Variants in ZNF407 observed in about 807,000 individuals in gnomAD.
The protein encoded by ZNF407 is zinc finger protein 407.
A neutral mutation model predicts 131.2 loss-of-function variants in ZNF407; 17 were observed. The ratio of observed to expected loss-of-function variants is 0.13; its 90% CI spans 0.09 to 0.19. The LOEUF is 0.19. Among genes scored for constraint, ZNF407 ranks in the 10% least tolerant of loss-of-function variants. ZNF407 has a pLI of 1.00. For synonymous variants in ZNF407, 1,156 were observed against 1,062.0 expected, an observed-to-expected ratio of 1.09 and a Z score of -1.72; for missense variants, 2,681 against 2,830.6, an observed-to-expected ratio of 0.95 and a Z score of 1.20.
chr18:74,729,488 G>A (rs1188383494), intron 3 of ZNF407, among the ~76,000 whole-genome samples: 4 of 151,840 alleles, frequency 2.6e-5, no homozygotes. Flanking sequence ...GGTCAAGTGT[G>A]GTTTGTGTGT....
chr18:74,844,766 G>A (rs1460237250), intron 4 of ZNF407, among the ~76,000 whole-genome samples: 1 of 152,054 alleles, frequency 6.6e-6, no homozygotes, highest in Admixed American at 6.5e-5. Context: ...GCTTTTTAAG[G>A]TCCTGTCCTA....
rs201637921 is a variant in ZNF407, at chr18:74,719,784, CACTTA to C, written c.4803-61637_4803-61633del. 6.0e-3 allele frequency among the ~76,000 whole-genome samples: 911 copies of C among 152,322 alleles called. 30 individuals are homozygous for C. Among genetic ancestry groups the C allele is most frequent in the Admixed American group, 0.05 (769 of 15,292 alleles). On this transcript the variant is annotated intron_variant, in intron 3 of 8. Transcript: ENST00000299687. ...TTAACTTTCTGTTTCTGGCTTATTT[CACTTA>C]ACTTAAGTTCTTCCTGTTCCATCTA...
chr18:74,921,914 A>C (rs1971851777), intron 8 of ZNF407, among the ~76,000 whole-genome samples: 1 of 152,260 alleles, frequency 6.6e-6, no homozygotes. Context: ...AATTTAAGTT[A>C]GACTAGTTTT....
intron 4 of ZNF407, among the ~76,000 whole-genome samples, chr18:74,798,538 T>C (rs1282908028): frequency 2.0e-5 from 3 of 152,154 alleles, no homozygotes; most frequent in Non-Finnish European, 4.4e-5. Context: ...GGGATATATA[T>C]GATGGTGAAT....
chr18:74,817,425 G>T (rs1230600100), intron 4 of ZNF407, among the ~76,000 whole-genome samples: 2 of 152,100 alleles, frequency 1.3e-5, no homozygotes, highest in South Asian at 2.1e-4. Flanking sequence ...CCCCTTGTTT[G>T]CTTTGTGGTT....
At chr18:74,780,388 AT>A (rs1282929822) in intron 3 of ZNF407, among the ~76,000 whole-genome samples, 6 of 152,182 alleles carry the variant, frequency 3.9e-5, no homozygotes, top group Non-Finnish European at 8.8e-5. Flanking sequence ...TATGTGGCTC[AT>A]TTGTGCAAAC....
chr18:74,870,703 A>G (rs1047203714), intron 4 of ZNF407, among the ~76,000 whole-genome samples: 5 of 152,194 alleles, frequency 3.3e-5, no homozygotes, highest in African/African-American at 1.2e-4. Context: ...AAATGTTTAG[A>G]AGGAAATGGT....
At chr18:74,957,771 G>A (rs1470608626) in intron 8 of ZNF407, among the ~76,000 whole-genome samples, 1 of 152,172 alleles carries the variant, frequency 6.6e-6, no homozygotes, top group Non-Finnish European at 1.5e-5. Context: ...CATAGAATGT[G>A]TTATGGTACA....
chr18:74,957,530 T>C (rs149124393), intron 8 of ZNF407, among the ~76,000 whole-genome samples: 1,636 of 152,238 alleles, frequency 0.011, 31 homozygotes, highest in African/African-American at 0.037. Context: ...TTATTCTTAA[T>C]AGAGATTAGG....
chr18:75,022,663 G>A (rs190333003), intron 8 of ZNF407, among the ~76,000 whole-genome samples: 16 of 152,104 alleles, frequency 1.1e-4, no homozygotes, highest in African/African-American at 3.4e-4. Flanking sequence ...AGTTAATGGC[G>A]ATTATTAGAC....
intron 8 of ZNF407, among the ~76,000 whole-genome samples, chr18:75,011,666 G>T (rs1484244376): frequency 6.6e-6 from 1 of 152,058 alleles, no homozygotes; most frequent in Non-Finnish European, 1.5e-5. Context: ...ATGAATATTG[G>T]ATTTATTTTG....
chr18:75,046,294 A>T (rs1018158560), intron 8 of ZNF407, among the ~76,000 whole-genome samples: 11 of 152,146 alleles, frequency 7.2e-5, no homozygotes, highest in Admixed American at 6.5e-4. Context: ...CGGGCTGCCC[A>T]GCCCGTCTCT....
chr18:75,028,451 T>C (rs1973197503), intron 8 of ZNF407, among the ~76,000 whole-genome samples: 1 of 152,212 alleles, frequency 6.6e-6, no homozygotes, highest in African/African-American at 2.4e-5. Context: ...TTTACCTTAG[T>C]GACCTCTTTA....
chr18:74,697,445 A>G (rs746876297), intron 3 of ZNF407, among the ~76,000 whole-genome samples: 1 of 152,168 alleles, frequency 6.6e-6, no homozygotes, highest in Admixed American at 6.5e-5. Flanking sequence ...ATTTCATTGT[A>G]CTTTCATATT....
intron 7 of ZNF407, among the ~76,000 whole-genome samples, chr18:74,913,987 T>A (rs543270550): frequency 1.1e-3 from 172 of 152,334 alleles, no homozygotes; most frequent in Non-Finnish European, 2.0e-3. Context: ...CTTTTGCTAA[T>A]CAGTCACCCC....
At chr18:74,846,973 G>A (rs781591999) in intron 4 of ZNF407, among the ~76,000 whole-genome samples, 15 of 148,054 alleles carry the variant, frequency 1.0e-4, no homozygotes, top group Admixed American at 2.0e-4. Flanking sequence ...CGGCCTGGGC[G>A]ACAGAGCAAG....
chr18:74,916,288 T>TGCA (rs1212032676), intron 7 of ZNF407, among the ~76,000 whole-genome samples: 248 of 119,386 alleles, frequency 2.1e-3, no homozygotes, highest in African/African-American at 1.0e-2. Flanking sequence ...TGTGTGTGTG[T>TGCA]GCATGTGTGT....
Position 75,063,518 on chromosome 18 carries a change from C to A in ZNF407, c.5797C>A (p.Gln1933Lys), listed in dbSNP as rs532769963. 1.3e-6 allele frequency: 2 copies of A among 1,581,644 alleles called. No homozygotes were observed. Among genetic ancestry groups the A allele is most frequent in the South Asian group, 1.2e-5 (1 of 86,908 alleles). ...SVVPGPILPE[Q>K]LADGATQVVV... ...GGTGCCCGGACCCATCCTCCCCGAG[C>A]AGCTGGCTGATGGAGCCACCCAGGT... Residue 1933 changes from glutamine (Q) to lysine (K), a missense_variant, in exon 9 of 9, where the codon CAG becomes AAG. Gln to Lys is a moderately conservative substitution (Grantham distance 53). This residue lies in a region of ZNF407 where 620 missense variants were observed against 583.1 expected (regional missense o/e 1.06). Coordinates refer to ENST00000299687, the MANE Select transcript of ZNF407 (RefSeq NM_017757.3). The surrounding 1 kb of genome is among the most constrained non-coding windows in gnomAD (Gnocchi z 6.6).
In ZNF407 at chr18:74,669,740, ATC is replaced by A. The variant is rs567263402; in HGVS notation, c.4802+28622_4802+28623del. ...GCTGACCTGGACCTGGACGAACTGC[ATC>A]TCTGTTTTTAGTCCTCTCAGGTTAG... On this transcript the variant is annotated intron_variant, in intron 3 of 8. Transcript: ENST00000299687. Among the ~76,000 whole-genome samples, 200 of 152,302 alleles carry A rather than the reference ATC, an allele frequency of 1.3e-3. 1 individual carries two copies. The highest frequency in any genetic ancestry group is 2.3e-3 in the Non-Finnish European group (159 of 68,022).
Sources: allele counts gnomAD v4.1 joint callset (sites outside exome capture counted in the v4.1 genomes callset), GRCh38; gene constraint gnomAD v4.1.1; regional missense constraint gnomAD v4.1.1; non-coding constraint Gnocchi (gnomAD v3.1); transcripts MANE v1.5; gene names NCBI Gene and HGNC (gene_info 2026-07-23, HGNC 2026-07-21).